The following GAPVD1 variants were observed in gnomAD, a reference collection of about 807,000 sequenced individuals.
GAPVD1 encodes GTPase activating protein and VPS9 domains 1, also known as GTPase-activating protein and VPS9 domain-containing protein 1.
A neutral mutation model predicts 155.5 loss-of-function variants in GAPVD1; 35 were observed. That is an observed-to-expected ratio of 0.23 (90% CI 0.17 to 0.30). The LOEUF (loss-of-function observed/expected upper bound fraction) is 0.30, where lower values mean the gene tolerates loss of function less well. Ranked by LOEUF, GAPVD1 falls within the 10% of genes least tolerant of loss-of-function variation. The probability of loss-of-function intolerance (pLI) is 1.00; values close to 1 mark genes in which losing one functional copy is unlikely to be tolerated. For missense variants in GAPVD1, 1,429 were observed against 1,775.7 expected (o/e 0.80, Z 3.51); for synonymous variants, 636 against 619.7 (o/e 1.03, Z -0.39).
chr9:125,268,478 T>A (rs998985197), intron 1 of GAPVD1, among the ~76,000 whole-genome samples: 1 of 150,218 alleles, frequency 6.7e-6, no homozygotes, highest in Admixed American at 6.7e-5. Flanking sequence ...TTATTTGGAA[T>A]AATTACCCCT....
intron 27 of GAPVD1, 90 bp from the exon 28 acceptor site, chr9:125,362,516 C>A: frequency 1.9e-6 from 2 of 1,066,996 alleles, no homozygotes; most frequent in Non-Finnish European, 2.7e-6. Context: ...GTATGTCTTT[C>A]ATAGAAGAAC....
At chr9:125,291,938 G>A (rs1838671434) in intron 2 of GAPVD1, among the ~76,000 whole-genome samples, 2 of 152,086 alleles carry the variant, frequency 1.3e-5, no homozygotes, top group South Asian at 2.1e-4. Context: ...ATAGGAAGAG[G>A]TGATGTACAA....
At chr9:125,348,743 C>T (rs1371621776) in intron 20 of GAPVD1, among the ~76,000 whole-genome samples, 1 of 152,138 alleles carries the variant, frequency 6.6e-6, no homozygotes, top group Admixed American at 6.6e-5. Context: ...AACTCCTGAC[C>T]TCATGTGATC....
intron 5 of GAPVD1, 115 bp downstream of exon 5, chr9:125,302,941 T>TC: frequency 8.1e-7 from 1 of 1,233,464 alleles, no homozygotes; most frequent in Non-Finnish European, 1.1e-6. Flanking sequence ...TACAACTTTT[T>TC]CTCAACCAGT....
In GAPVD1 at chr9:125,339,083, G is replaced by A. The variant is rs563482033; in HGVS notation, c.2877+1492G>A. Among the ~76,000 whole-genome samples, 5 of 152,208 alleles carry A rather than the reference G, an allele frequency of 3.3e-5. No individual in the cohort carries two copies. In the South Asian group the frequency reaches 1.0e-3, roughly 32 times the overall value. On this transcript the variant is annotated intron_variant, in intron 17 of 27. Transcript: ENST00000297933. ...TGCAGCCTTAACCTCCCAGGCTCAG[G>A]CAATCCTCCCGCTTTGGCCTCCCAA...
intron 12 of GAPVD1, among the ~76,000 whole-genome samples, chr9:125,329,222 C>T (rs192117775): frequency 5.3e-5 from 8 of 152,228 alleles, no homozygotes; most frequent in Admixed American, 1.3e-4. Context: ...GCTGTATTTG[C>T]GCAATAAGCT....
At chr9:125,271,274 A>G (rs1834866506) in intron 2 of GAPVD1, among the ~76,000 whole-genome samples, 2 of 152,124 alleles carry the variant, frequency 1.3e-5, no homozygotes, top group East Asian at 1.9e-4. Flanking sequence ...CTCCCTTATA[A>G]TGCCGGTACA....
Position 125,360,599 on chromosome 9 carries a change from C to G in GAPVD1, c.4116C>G (p.Pro1372=). Residue 1372 remains proline, a synonymous_variant, in exon 27 of 28, where the codon CCC becomes CCG. Transcript: ENST00000297933. The part of the protein sequence containing the change: ...EIRTISAYKT[P]RDKVQCILRM... ...GGACAATAAGTGCTTATAAAACCCC[C>G]CGGGACAAAGTGCAGTGCATCCTGA... 1.2e-6 allele frequency: 2 copies of G among 1,614,026 alleles called. No homozygotes were observed. The highest frequency in any genetic ancestry group is 1.7e-6 in the Non-Finnish European group (2 of 1,179,912).
chr9:125,345,863 A>G (rs1848446283), intron 19 of GAPVD1: 1 of 151,946 alleles, frequency 6.6e-6, no homozygotes, highest in Non-Finnish European at 1.5e-5. Context: ...ATATATACAC[A>G]TAAGTGTGTG....
intron 6 of GAPVD1, among the ~76,000 whole-genome samples, 157 bp downstream of exon 6, chr9:125,305,306 G>C (rs73585804): frequency 1.7e-3 from 256 of 151,908 alleles, no homozygotes; most frequent in African/African-American, 5.6e-3. Context: ...AATTCCCACA[G>C]ATGTATTGAG....
At chr9:125,334,416 C>T (rs916422494) in intron 15 of GAPVD1, among the ~76,000 whole-genome samples, 1 of 152,044 alleles carries the variant, frequency 6.6e-6, no homozygotes, top group East Asian at 1.9e-4. Flanking sequence ...GCGTTTTCAC[C>T]GCATTCTGAG....
chr9:125,336,834 A>T (rs1564425104), intron 15 of GAPVD1, 184 bp from the exon 16 acceptor site: 1 of 579,916 alleles, frequency 1.7e-6, no homozygotes, highest in Non-Finnish European at 3.1e-6. Flanking sequence ...GTGTATGAAG[A>T]TACTCATAAA....
chr9:125,365,513 G>A lies in GAPVD1; in HGVS notation c.*2767G>A, dbSNP rs1589165075. ...TTAAATGGAGAGAGAGTTGGCTCAG[G>A]TCCCCTGAAATCTTGTAGGATTAAC... On this transcript the variant is annotated 3_prime_UTR_variant, in exon 28 of 28. Transcript: ENST00000297933. 1 of 152,068 alleles carries A rather than the reference G, an allele frequency of 6.6e-6. No individual in the cohort carries two copies. The highest frequency in any genetic ancestry group is 1.9e-4 in the East Asian group (1 of 5,200). The allele number at this position is 152,068 out of a possible 1,614,324, so 9.4% of individuals were successfully genotyped here. A position where few individuals can be genotyped will look rare whatever the true frequency, so the allele number is the denominator to read the frequency against.
In GAPVD1 at chr9:125,360,663, A is replaced by C. The variant is rs757393843; in HGVS notation, c.4180A>C (p.Asn1394His). 6.2e-7 allele frequency: 1 copy of C among 1,614,056 alleles called. No individual in the cohort carries two copies. The highest frequency in any genetic ancestry group is 2.2e-5 in the East Asian group (1 of 44,882). ...STIMNLLSLA[N>H]EDSVPGADDF... ...GATTATGAACCTCCTGAGCCTGGCCAATGAGGACTCTGTCCCTGGAGCGGA... is the reference window on the plus strand; with the variant it reads ...GATTATGAACCTCCTGAGCCTGGCCCATGAGGACTCTGTCCCTGGAGCGGA... The change falls in exon 27 of 28, where the codon AAT (asparagine) becomes CAT (histidine). Residue 1394 changes from asparagine to histidine, a missense_variant. Transcript: ENST00000297933.
chr9:125,305,371 G>GTTTTTT (rs34474690), intron 6 of GAPVD1, among the ~76,000 whole-genome samples: 3 of 111,578 alleles, frequency 2.7e-5, no homozygotes, highest in African/African-American at 3.8e-5. Context: ...ATTTTAAAAA[G>GTTTTTT]TTTTTTTTTT....
chr9:125,356,537 G>A (rs977930288), intron 25 of GAPVD1, among the ~76,000 whole-genome samples: 1 of 152,006 alleles, frequency 6.6e-6, no homozygotes, highest in African/African-American at 2.4e-5. Context: ...TGTCACCCAG[G>A]CTGGAGTGCA....
chr9:125,299,133 G>A, intron 4 of GAPVD1, 27 bp downstream of exon 4: 1 of 1,343,638 alleles, frequency 7.4e-7, no homozygotes. Context: ...CAGGTTTTAA[G>A]TTTTGTGAAC....
At chr9:125,319,223 A>G (rs563137356) in intron 9 of GAPVD1, among the ~76,000 whole-genome samples, 62 of 151,758 alleles carry the variant, frequency 4.1e-4, no homozygotes, top group Non-Finnish European at 8.1e-4. Flanking sequence ...AAATGAAAAA[A>G]ATTAGCTGGG....
intron 17 of GAPVD1, among the ~76,000 whole-genome samples, chr9:125,338,101 C>T (rs144239131): frequency 1.2e-3 from 186 of 152,324 alleles, no homozygotes; most frequent in African/African-American, 4.1e-3. Context: ...GTTTTGATCT[C>T]CTGACCTTGT....
Sources: gnomAD v4.1 joint callset for allele counts (sites outside exome capture counted in the v4.1 genomes callset) on GRCh38, gnomAD v4.1.1 for gene constraint, MANE v1.5 for transcripts, NCBI Gene and HGNC (gene_info 2026-07-23, HGNC 2026-07-21) for gene names.